Variants in PRP4K observed in about 807,000 individuals in gnomAD.
PRP4K encodes the protein serine/threonine-protein kinase PRP4 homolog.
the PRP4K span, chr6:4,064,400 A>G: frequency 6.6e-6 from 1 of 152,574 alleles, no homozygotes; most frequent in Non-Finnish European, 1.5e-5. Context: ...GCAGAACTCT[A>G]GCTATATGGG....
At chr6:4,021,474 G>A in the PRP4K span, 1 of 1,578,238 alleles carries the variant, frequency 6.3e-7, no homozygotes, top group East Asian at 2.3e-5. Context: ...AGAGTAAGTA[G>A]TCTCTGTGAG....
At chr6:4,029,339 AT>A in the PRP4K span, among the ~76,000 whole-genome samples, 75,454 of 117,566 alleles carry the variant, frequency 0.64, 23,525 homozygotes, top group Admixed American at 0.68. Flanking sequence ...GTGTTACTCA[AT>A]TTTTTTTTTT....
At chr6:4,057,155 G>T in the PRP4K span, 13 of 1,612,612 alleles carry the variant, frequency 8.1e-6, no homozygotes, top group African/African-American at 1.6e-4. Flanking sequence ...GCTGAAGCTT[G>T]CAATGGATCT....
At chr6:4,047,468 A>G in the PRP4K span, among the ~76,000 whole-genome samples, 3 of 152,222 alleles carry the variant, frequency 2.0e-5, no homozygotes, top group Non-Finnish European at 4.4e-5. Flanking sequence ...GAGCTTTATA[A>G]AAGTCAAACA....
the PRP4K span, chr6:4,056,504 C>T: frequency 3.1e-6 from 5 of 1,610,464 alleles, no homozygotes; most frequent in African/African-American, 2.7e-5. Context: ...AATGTCTAAG[C>T]ACTGTTTTCC....
chr6:4,048,603 C>A, the PRP4K span, among the ~76,000 whole-genome samples: 1 of 151,922 alleles, frequency 6.6e-6, no homozygotes, highest in Non-Finnish European at 1.5e-5. Flanking sequence ...CTGTCCTAGA[C>A]TAAAGTGCAG....
At chr6:4,037,100 G>A in the PRP4K span, among the ~76,000 whole-genome samples, 2 of 152,048 alleles carry the variant, frequency 1.3e-5, no homozygotes, top group South Asian at 4.1e-4. Context: ...ACTCACTTGG[G>A]GAGGTTTTAT....
the PRP4K span, among the ~76,000 whole-genome samples, chr6:4,041,625 T>TA: frequency 6.6e-6 from 1 of 152,146 alleles, no homozygotes; most frequent in African/African-American, 2.4e-5. Context: ...GGGACAAATC[T>TA]AGAGCCATTC....
At chr6:4,040,807 G>A in the PRP4K span, 2 of 1,613,972 alleles carry the variant, frequency 1.2e-6, no homozygotes, top group East Asian at 4.5e-5. Flanking sequence ...CGCTTGCGAA[G>A]GCGGTCTCGA....
chr6:4,051,934 C>T, the PRP4K span: 3 of 1,443,596 alleles, frequency 2.1e-6, no homozygotes, highest in African/African-American at 1.5e-5. Context: ...TCAATTTTAC[C>T]CCAATTTTTT....
At chr6:4,028,034 G>GA in the PRP4K span, among the ~76,000 whole-genome samples, 20 of 151,806 alleles carry the variant, frequency 1.3e-4, no homozygotes, top group South Asian at 4.0e-3. Context: ...CAAGGTTCAG[G>GA]AAAAAAAAGA....
chr6:4,022,004 G>A, the PRP4K span, among the ~76,000 whole-genome samples: 1 of 152,172 alleles, frequency 6.6e-6, no homozygotes, highest in Non-Finnish European at 1.5e-5. Context: ...TCTGTGGCTA[G>A]CGGGATACTT....
the PRP4K span, chr6:4,031,797 C>T: frequency 2.5e-6 from 4 of 1,613,436 alleles, no homozygotes; most frequent in Non-Finnish European, 3.4e-6. Context: ...GGGTATGTCT[C>T]CAGCAAAAAG....
At chr6:4,049,530 TGTA>T in the PRP4K span, 1 of 574,342 alleles carries the variant, frequency 1.7e-6, no homozygotes, top group South Asian at 2.5e-5. Flanking sequence ...CAGGAACTCT[TGTA>T]GTGATCTGAA....
the PRP4K span, chr6:4,064,687 A>G: frequency 6.6e-6 from 1 of 152,600 alleles, no homozygotes; most frequent in South Asian, 2.1e-4. Context: ...GTTCACGACA[A>G]ATTCATTTGT....
At chr6:4,058,203 A>G in the PRP4K span, among the ~76,000 whole-genome samples, 1 of 152,132 alleles carries the variant, frequency 6.6e-6, no homozygotes, top group African/African-American at 2.4e-5. Context: ...TTTTGTAGAG[A>G]TGGAGTTTCA....
At chr6:4,051,895 T>C in the PRP4K span, 6 of 1,113,862 alleles carry the variant, frequency 5.4e-6, no homozygotes, top group African/African-American at 4.8e-5. Flanking sequence ...GCAAATACAT[T>C]ATTTAGTGCT....
chr6:4,034,299 A>G, the PRP4K span, among the ~76,000 whole-genome samples: 5 of 152,030 alleles, frequency 3.3e-5, no homozygotes, highest in Non-Finnish European at 7.4e-5. Flanking sequence ...TAGATGTATT[A>G]TAGTATCATT....
chr6:4,049,597 C>A, the PRP4K span: 2 of 855,066 alleles, frequency 2.3e-6, no homozygotes, highest in Non-Finnish European at 3.6e-6. Context: ...GGAGGCATGG[C>A]TTTGATTCTT....
Sources: gnomAD v4.1 joint callset for allele counts (sites outside exome capture counted in the v4.1 genomes callset) on GRCh38, gnomAD v4.1.1 for gene constraint, MANE v1.5 for transcripts, NCBI Gene and HGNC (gene_info 2026-07-23, HGNC 2026-07-21) for gene names.